MAGI2: variants seen among roughly 807,000 people sequenced by gnomAD.
The protein encoded by MAGI2 is membrane associated guanylate kinase, WW and PDZ domain containing 2, also known as membrane-associated guanylate kinase, WW and PDZ domain-containing protein 2.
A neutral mutation model predicts 133.3 loss-of-function variants in MAGI2; 35 were observed. That is an observed-to-expected ratio of 0.26 (90% CI 0.20 to 0.35). MAGI2 has a LOEUF of 0.35. MAGI2 is among the 10% of genes least tolerant of loss of function. MAGI2 has a pLI of 1.00. For missense variants in MAGI2, 1,636 were observed against 1,863.4 expected (o/e 0.88, Z 2.25); for synonymous variants, 729 against 710.6 (o/e 1.03, Z -0.41).
intron 1 of MAGI2, among the ~76,000 whole-genome samples, chr7:79,287,189 T>A (rs761544217): frequency 3.3e-5 from 5 of 152,144 alleles, no homozygotes; most frequent in Non-Finnish European, 4.4e-5. Context: ...CCAGACCTAC[T>A]GAATAATAAT....
chr7:78,607,081 T>C (rs770398579), intron 3 of MAGI2, among the ~76,000 whole-genome samples: 12 of 152,198 alleles, frequency 7.9e-5, no homozygotes, highest in Non-Finnish European at 1.5e-4. Flanking sequence ...CCTTTGTTCC[T>C]TGTTATGTAT....
chr7:78,897,252 G>T (rs1418960445), intron 2 of MAGI2, among the ~76,000 whole-genome samples: 3 of 152,192 alleles, frequency 2.0e-5, no homozygotes, highest in Admixed American at 6.5e-5. Context: ...CATGTACTTT[G>T]TTTCCCAAGT....
chr7:78,980,285 C>A (rs1462094924), intron 2 of MAGI2, among the ~76,000 whole-genome samples: 1 of 151,666 alleles, frequency 6.6e-6, no homozygotes, highest in East Asian at 2.0e-4. Flanking sequence ...TTTTAAAAAT[C>A]AGCTATAATT....
chr7:78,806,182 A>G (rs1040490059), intron 2 of MAGI2, among the ~76,000 whole-genome samples: 4 of 152,146 alleles, frequency 2.6e-5, no homozygotes, highest in African/African-American at 9.7e-5. Context: ...GTCTTAATGC[A>G]GAAAAGACAT....
At chr7:78,678,039 A>C (rs1585058188) in intron 2 of MAGI2, among the ~76,000 whole-genome samples, 1 of 152,262 alleles carries the variant, frequency 6.6e-6, no homozygotes, top group Non-Finnish European at 1.5e-5. Flanking sequence ...CAGGTACTGG[A>C]GAAGTAGAAC....
chr7:78,820,726 C>G (rs1386365402), intron 2 of MAGI2, among the ~76,000 whole-genome samples: 1 of 151,804 alleles, frequency 6.6e-6, no homozygotes, highest in East Asian at 1.9e-4. Flanking sequence ...CTTCTGTTTT[C>G]AATGATGAAT....
chr7:78,991,098 T>C (rs763272016), intron 2 of MAGI2, among the ~76,000 whole-genome samples: 6 of 151,856 alleles, frequency 4.0e-5, no homozygotes, highest in Non-Finnish European at 7.4e-5. Context: ...CGAGATCTGA[T>C]GATTTAAAAG....
chr7:78,296,817 A>G (rs1797294099), intron 9 of MAGI2, among the ~76,000 whole-genome samples: 1 of 152,220 alleles, frequency 6.6e-6, no homozygotes, highest in Non-Finnish European at 1.5e-5. Flanking sequence ...AAATGAGCCA[A>G]TACAGGAATT....
Position 78,521,441 on chromosome 7 carries a change from A to G in MAGI2, c.743T>C (p.Val248Ala), listed in dbSNP as rs761048587. Reference sequence around the variant, plus strand: ...TGTAAATGACTAACCTGGTGTTACTACTACTCCATTTCCATTGACCACAGG... The same window carrying G: ...TGTAAATGACTAACCTGGTGTTACTGCTACTCCATTTCCATTGACCACAGG... ...ERPVVNGNGV[V>A]VTPESSEHED... Residue 248 changes from valine to alanine, a missense_variant, in exon 4 of 22, where the codon GTA becomes GCA. Coordinates refer to ENST00000354212, the MANE Select transcript of MAGI2 (RefSeq NM_012301.4). 5 of 1,613,536 alleles carry G rather than the reference A, an allele frequency of 3.1e-6. No individual in the cohort carries two copies. The highest frequency in any genetic ancestry group is 2.5e-6 in the Non-Finnish European group (3 of 1,179,742).
chr7:78,971,202 C>T (rs1310918168), intron 2 of MAGI2, among the ~76,000 whole-genome samples: 1 of 151,936 alleles, frequency 6.6e-6, no homozygotes, highest in Non-Finnish European at 1.5e-5. Flanking sequence ...AAAGTGTGGT[C>T]AAGGTCAAAA....
chr7:78,434,784 A>G (rs894723275), intron 6 of MAGI2, among the ~76,000 whole-genome samples: 1 of 152,188 alleles, frequency 6.6e-6, no homozygotes, highest in African/African-American at 2.4e-5. Context: ...GTACAGATAT[A>G]TCAACTCTTG....
chr7:78,714,137 A>T (rs950096304), intron 2 of MAGI2, among the ~76,000 whole-genome samples: 2 of 152,082 alleles, frequency 1.3e-5, no homozygotes, highest in East Asian at 3.9e-4. Context: ...GTACATAAAC[A>T]TATATGAAGA....
chr7:78,914,579 A>G (rs1354284250), intron 2 of MAGI2, among the ~76,000 whole-genome samples: 3 of 152,154 alleles, frequency 2.0e-5, no homozygotes, highest in Non-Finnish European at 4.4e-5. Flanking sequence ...GGAACACACG[A>G]TCAATCAAAT....
chr7:78,739,902 T>A (rs1666329090), intron 2 of MAGI2, among the ~76,000 whole-genome samples: 1 of 152,138 alleles, frequency 6.6e-6, no homozygotes, highest in South Asian at 2.1e-4. Flanking sequence ...CTCACGCCTG[T>A]AATCCCAGCA....
At position 78,019,170 on chromosome 7, in the gene MAGI2, C is replaced by A; in HGVS notation, c.*145G>T. 2 of 940,516 alleles carry A rather than the reference C, an allele frequency of 2.1e-6. No individual in the cohort carries two copies. The highest frequency in any genetic ancestry group is 3.2e-6 in the Non-Finnish European group (2 of 632,280). 58.3% of individuals were successfully genotyped at this position (940,516 alleles called of 1,614,324 possible). On this transcript the variant is annotated 3_prime_UTR_variant, in exon 22 of 22. Coordinates refer to ENST00000354212, the MANE Select transcript of MAGI2 (RefSeq NM_012301.4). Reference sequence around the variant, plus strand: ...CGATGCCGCCCAAGCACACCGGACACGTGGGACTTCACGTCGATGCTCCCA... The same window carrying A: ...CGATGCCGCCCAAGCACACCGGACAAGTGGGACTTCACGTCGATGCTCCCA...
intron 1 of MAGI2, among the ~76,000 whole-genome samples, chr7:79,269,341 T>G (rs1834706090): frequency 6.6e-6 from 1 of 152,178 alleles, no homozygotes; most frequent in Non-Finnish European, 1.5e-5. Flanking sequence ...GAGTCTCATA[T>G]AGCTGCTTAT....
intron 1 of MAGI2, among the ~76,000 whole-genome samples, chr7:79,432,289 C>T (rs1847829455): frequency 6.6e-6 from 1 of 152,158 alleles, no homozygotes; most frequent in Non-Finnish European, 1.5e-5. Context: ...GGATGTGTTG[C>T]ATGCACAGAA....
At chr7:79,246,021 C>T (rs765020453) in intron 1 of MAGI2, among the ~76,000 whole-genome samples, 2 of 152,182 alleles carry the variant, frequency 1.3e-5, no homozygotes, top group African/African-American at 4.8e-5. Flanking sequence ...TATCCAAGAC[C>T]ACCAGGGCAG....
intron 2 of MAGI2, among the ~76,000 whole-genome samples, chr7:78,660,138 G>A (rs868363077): frequency 6.6e-6 from 1 of 151,244 alleles, no homozygotes; most frequent in Non-Finnish European, 1.5e-5. Flanking sequence ...GGGGGGAGGT[G>A]GGAGGGATAG....
Sources: allele counts gnomAD v4.1 joint callset (sites outside exome capture counted in the v4.1 genomes callset), GRCh38; gene constraint gnomAD v4.1.1; transcripts MANE v1.5; gene names NCBI Gene and HGNC (gene_info 2026-07-23, HGNC 2026-07-21).